Variants in IDE observed in about 807,000 individuals in gnomAD.
IDE encodes the protein insulin-degrading enzyme.
IDE carries 58 observed loss-of-function variants against 133.2 expected under a neutral mutation model. The observed-to-expected ratio is 0.44, with a 90% CI of 0.35 to 0.54. The LOEUF (loss-of-function observed/expected upper bound fraction) is 0.54. IDE is among the 20% of genes least tolerant of loss of function. The pLI, the probability that IDE is intolerant of heterozygous loss-of-function variation, is 0.00. For synonymous variants in IDE, 396 were observed against 421.3 expected, an observed-to-expected ratio of 0.94 and a Z score of 0.73; for missense variants, 981 against 1,234.0, an observed-to-expected ratio of 0.79 and a Z score of 3.07.
intron 1 of IDE, among the ~76,000 whole-genome samples, chr10:92,562,557 T>TA (rs776614481): frequency 7.9e-5 from 12 of 152,214 alleles, no homozygotes; most frequent in Non-Finnish European, 1.6e-4. Context: ...GATGGCAGTT[T>TA]AAAGTAGTCT....
In IDE at chr10:92,507,989, A is replaced by C. The variant is rs1365162122; in HGVS notation, c.1153+124T>G. On this transcript the variant is annotated intron_variant, in intron 8 of 24. Coordinates refer to ENST00000265986, the MANE Select transcript of IDE (RefSeq NM_004969.4). ...AAGTTACATATGAAAAATACAATGG[A>C]TAAGTTGTATGAATTAAAGTGTTGT... is the stretch of plus-strand genomic sequence containing the variant. 6.8e-6 allele frequency: 5 copies of C among 733,350 alleles called. No individual in the cohort carries two copies. The East Asian group carries it at 1.2e-4, about 18-fold the overall frequency. 45.4% of individuals were successfully genotyped at this position (733,350 alleles called of 1,614,324 possible).
chr10:92,477,157 A>AC (rs568972134), intron 15 of IDE, among the ~76,000 whole-genome samples: 2 of 149,282 alleles, frequency 1.3e-5, no homozygotes, highest in African/African-American at 4.9e-5. Flanking sequence ...GGCTTAGCAC[A>AC]TTTTTTTTTT....
At chr10:92,510,735 A>G (rs924694107) in intron 5 of IDE, among the ~76,000 whole-genome samples, 4 of 151,404 alleles carry the variant, frequency 2.6e-5, no homozygotes, top group African/African-American at 9.7e-5. Context: ...TCTCACATGT[A>G]TGAAATATAG....
rs754638087 is a variant in IDE at position 92,474,957 on chromosome 10, A to G, written c.2000T>C (p.Met667Thr). ...AGCCCGGAAATTGTTAAGAGATCGC[A>G]TATACTAGTGAAAGAGACATGCGTT... ...KRFEIIKEAY[M>T]RSLNNFRAEQ... is the part of the protein sequence containing the mutation. The change falls in exon 17 of 25, where the codon ATG (methionine) becomes ACG (threonine). Residue 667 changes from methionine (M) to threonine (T), a missense_variant. By Grantham distance (81) the Met-to-Thr change is moderately conservative. This residue lies in a region of IDE where 660 missense variants were observed against 894.7 expected (regional missense o/e 0.74). Coordinates refer to ENST00000265986, the MANE Select transcript of IDE (RefSeq NM_004969.4). The G allele has an allele frequency of 1.4e-5, 22 of 1,604,138 alleles. No homozygotes were observed. Among genetic ancestry groups the G allele is most frequent in the East Asian group, 2.2e-5 (1 of 44,826 alleles).
rs535479006 is a variant in IDE at position 92,490,729 on chromosome 10, A to C, written c.1431-134T>G. The C allele has an allele frequency of 6.8e-5, 43 of 629,000 alleles. No individual in the cohort carries two copies. In the Middle Eastern group the frequency reaches 1.3e-3, roughly 19 times the overall value. 39.0% of individuals were successfully genotyped at this position (629,000 alleles called of 1,614,324 possible). A position where few individuals can be genotyped will look rare whatever the true frequency, so the allele number is the denominator to read the frequency against. ...CCTCTTAAGACCCAGCAAATCCTGTAAGGCTTAGTCCAAACAAGCAATACA... is the reference window on the plus strand; with the variant it reads ...CCTCTTAAGACCCAGCAAATCCTGTCAGGCTTAGTCCAAACAAGCAATACA... On this transcript the variant is annotated intron_variant, in intron 11 of 24. Coordinates refer to ENST00000265986, the MANE Select transcript of IDE (RefSeq NM_004969.4).
chr10:92,536,044 A>G (rs955911535), intron 2 of IDE, among the ~76,000 whole-genome samples: 2 of 151,702 alleles, frequency 1.3e-5, no homozygotes, highest in Admixed American at 6.6e-5. Context: ...TCAGAGAAAA[A>G]AAAAAAAAGA....
At chr10:92,568,014 T>C (rs183580913) in intron 1 of IDE, among the ~76,000 whole-genome samples, 1 of 152,328 alleles carries the variant, frequency 6.6e-6, no homozygotes, top group East Asian at 1.9e-4. Flanking sequence ...GTTCATCCAA[T>C]TCAATATTTC....
chr10:92,507,370 C>T (rs1188276756), intron 9 of IDE, among the ~76,000 whole-genome samples: 1 of 152,120 alleles, frequency 6.6e-6, no homozygotes, highest in Non-Finnish European at 1.5e-5. Context: ...CTACACGATG[C>T]CTTTCCCCTT....
At chr10:92,524,870 G>A (rs1037592289) in intron 4 of IDE, among the ~76,000 whole-genome samples, 1 of 151,930 alleles carries the variant, frequency 6.6e-6, no homozygotes. Flanking sequence ...AGCCGAGATG[G>A]CACCACTGTA....
rs150132183 is a variant in IDE at position 92,490,509 on chromosome 10, G to A, written c.1517C>T (p.Pro506Leu). ...TAACCCTACCTTGATGACTTCATCCGGTATAGCTTCTTGTTTGTACTGGGT... is the reference window on the plus strand; with the variant it reads ...TAACCCTACCTTGATGACTTCATCCAGTATAGCTTCTTGTTTGTACTGGGT... ...YGTQYKQEAI[P>L]DEVIKKWQNA... Residue 506 changes from proline to leucine, a missense_variant, in exon 12 of 25, where the codon CCG (proline) becomes CTG (leucine). By Grantham distance (98) the Pro-to-Leu change is moderately conservative. This residue lies in a region of IDE where 660 missense variants were observed against 894.7 expected (regional missense o/e 0.74). Transcript: ENST00000265986. 3.2e-5 allele frequency: 52 copies of A among 1,600,784 alleles called. No homozygotes were observed. In the African/African-American group the frequency reaches 3.8e-4, roughly 12 times the overall value.
intron 1 of IDE, among the ~76,000 whole-genome samples, chr10:92,562,189 T>A (rs965817089): frequency 2.6e-5 from 4 of 152,196 alleles, no homozygotes. Flanking sequence ...AAATAACAAC[T>A]GCAAAACATA....
intron 1 of IDE, among the ~76,000 whole-genome samples, chr10:92,547,303 C>T (rs1842575083): frequency 6.6e-6 from 1 of 151,048 alleles, no homozygotes; most frequent in Non-Finnish European, 1.5e-5. Flanking sequence ...CAGGATGACT[C>T]GAACTCCTGG....
At chr10:92,554,498 T>C (rs1344261789) in intron 1 of IDE, among the ~76,000 whole-genome samples, 2 of 150,286 alleles carry the variant, frequency 1.3e-5, no homozygotes, top group African/African-American at 2.5e-5. Flanking sequence ...TGAGCCATGA[T>C]TGCACCACTG....
chr10:92,526,241 G>C (rs1849619771), intron 4 of IDE, among the ~76,000 whole-genome samples: 1 of 151,146 alleles, frequency 6.6e-6, no homozygotes, highest in Non-Finnish European at 1.5e-5. Context: ...TACACAAAAA[G>C]GAAAGACATC....
At chr10:92,546,528 A>G (rs1488344430) in intron 1 of IDE, among the ~76,000 whole-genome samples, 3 of 152,220 alleles carry the variant, frequency 2.0e-5, no homozygotes, top group Non-Finnish European at 4.4e-5. Context: ...CATACCAAAG[A>G]GGTGCTAAAC....
intron 1 of IDE, among the ~76,000 whole-genome samples, chr10:92,561,509 T>C (rs1564682133): frequency 6.6e-6 from 1 of 150,932 alleles, no homozygotes; most frequent in African/African-American, 2.4e-5. Context: ...CCCAGCCCTT[T>C]GGGAGGCCGA....
At chr10:92,539,188 TC>T (rs1035660674) in intron 1 of IDE, among the ~76,000 whole-genome samples, 2 of 151,858 alleles carry the variant, frequency 1.3e-5, no homozygotes, top group Non-Finnish European at 1.5e-5. Flanking sequence ...ATCCCCTAGA[TC>T]TTTTTTTTTT....
chr10:92,562,089 C>A (rs561005137), intron 1 of IDE, among the ~76,000 whole-genome samples: 1 of 152,284 alleles, frequency 6.6e-6, no homozygotes, highest in South Asian at 2.1e-4. Context: ...TGCTGCCAGG[C>A]AGGAATGTGG....
rs1370857627 is a variant in IDE, at chr10:92,556,135, T to G, written c.98+17787A>C. On this transcript the variant is annotated intron_variant, in intron 1 of 24. Transcript: ENST00000265986. ...TTGCAGTGAGCCGAGATTGCACCAC[T>G]GCAGTCCGCAGTCCGGCCTGGGTGA... Among the ~76,000 whole-genome samples the G allele has an allele frequency of 4.0e-5, 5 of 124,162 alleles. No individual in the cohort carries two copies. The East Asian group carries it at 9.6e-4, about 24-fold the overall frequency. 81.5% of individuals were successfully genotyped at this position (124,162 alleles called of 152,430 possible). A position where few individuals can be genotyped will look rare whatever the true frequency, so the allele number is the denominator to read the frequency against.
Sources: allele counts gnomAD v4.1 joint callset (sites outside exome capture counted in the v4.1 genomes callset), GRCh38; gene constraint gnomAD v4.1.1; regional missense constraint gnomAD v4.1.1; transcripts MANE v1.5; gene names NCBI Gene and HGNC (gene_info 2026-07-23, HGNC 2026-07-21).